The following DUSP10 variants were observed in gnomAD, a reference collection of about 807,000 sequenced individuals.
The protein encoded by DUSP10 is dual specificity protein phosphatase 10.
DUSP10 carries 14 observed loss-of-function variants against 30.8 expected under a neutral mutation model. That is an observed-to-expected ratio of 0.46 (90% CI 0.30 to 0.71). The LOEUF is 0.71. Among genes scored for constraint, DUSP10 ranks in the 30% least tolerant of loss-of-function variants. DUSP10 has a pLI of 0.08. For missense variants in DUSP10, 550 were observed against 619.4 expected, an observed-to-expected ratio of 0.89 and a Z score of 1.19; for synonymous variants, 254 against 250.4, an observed-to-expected ratio of 1.01 and a Z score of -0.14.
At chr1:221,709,027 A>G (rs1024042120) in intron 2 of DUSP10, among the ~76,000 whole-genome samples, 3 of 150,700 alleles carry the variant, frequency 2.0e-5, no homozygotes, top group Non-Finnish European at 3.0e-5. Context: ...AAACCAACAC[A>G]TGCTAGAAAA....
chr1:221,735,253 A>G (rs572084347), intron 2 of DUSP10, among the ~76,000 whole-genome samples: 43 of 152,330 alleles, frequency 2.8e-4, no homozygotes, highest in African/African-American at 9.9e-4. Context: ...ACAACAGCAT[A>G]GAGCAAGTAG....
At chr1:221,735,248 A>G (rs1661730875) in intron 2 of DUSP10, among the ~76,000 whole-genome samples, 1 of 152,194 alleles carries the variant, frequency 6.6e-6, no homozygotes, top group Non-Finnish European at 1.5e-5. Flanking sequence ...GTTTTACAAC[A>G]GCATAGAGCA....
At chr1:221,738,235 T>C (rs1429911749) in intron 2 of DUSP10, among the ~76,000 whole-genome samples, 2 of 152,204 alleles carry the variant, frequency 1.3e-5, no homozygotes, top group Non-Finnish European at 2.9e-5. Flanking sequence ...TTACTCCATC[T>C]TGGGAGGAGC....
intron 2 of DUSP10, among the ~76,000 whole-genome samples, chr1:221,725,644 T>G (rs1366370568): frequency 1.3e-5 from 2 of 152,226 alleles, no homozygotes; most frequent in Non-Finnish European, 2.9e-5. Flanking sequence ...AAAGGGCACT[T>G]TACCTCAATT....
At chr1:221,709,430 T>C (rs1040915753) in intron 2 of DUSP10, among the ~76,000 whole-genome samples, 11 of 144,632 alleles carry the variant, frequency 7.6e-5, no homozygotes, top group Admixed American at 7.2e-4. Context: ...GTTTAAGCCA[T>C]GTAGGAACTC....
chr1:221,710,632 C>G (rs887275855), intron 2 of DUSP10, among the ~76,000 whole-genome samples: 1 of 151,946 alleles, frequency 6.6e-6, no homozygotes. Flanking sequence ...GAATTAGGAA[C>G]CAAGGTATCC....
chr1:221,720,818 C>A (rs1030335168), intron 2 of DUSP10, among the ~76,000 whole-genome samples: 4 of 152,196 alleles, frequency 2.6e-5, no homozygotes, highest in Admixed American at 2.0e-4. Flanking sequence ...TACAGCTACC[C>A]TTCCAAATCT....
intron 2 of DUSP10, among the ~76,000 whole-genome samples, chr1:221,715,436 T>C (rs922361227): frequency 2.6e-5 from 4 of 152,148 alleles, no homozygotes; most frequent in Non-Finnish European, 5.9e-5. Flanking sequence ...AGTAGCTCAG[T>C]CCACACAGAA....
chr1:221,733,062 C>T (rs1158259806), intron 2 of DUSP10, among the ~76,000 whole-genome samples: 1 of 152,234 alleles, frequency 6.6e-6, no homozygotes, highest in African/African-American at 2.4e-5. Flanking sequence ...CGATATATCA[C>T]ACATTCATGC....
At chr1:221,736,037 A>G (rs1161233825) in intron 2 of DUSP10, among the ~76,000 whole-genome samples, 1 of 152,232 alleles carries the variant, frequency 6.6e-6, no homozygotes, top group Non-Finnish European at 1.5e-5. Flanking sequence ...AGACTAAAAC[A>G]TAGATTCTAG....
At chr1:221,738,463 A>G (rs1486193280) in intron 2 of DUSP10, among the ~76,000 whole-genome samples, 2 of 152,214 alleles carry the variant, frequency 1.3e-5, no homozygotes, top group Non-Finnish European at 2.9e-5. Context: ...TGAGAAAGAG[A>G]AAGAATTTCC....
chr1:221,733,885 A>G (rs774070274), intron 2 of DUSP10, among the ~76,000 whole-genome samples: 2 of 152,194 alleles, frequency 1.3e-5, no homozygotes, highest in African/African-American at 2.4e-5. Flanking sequence ...GAGAGAGTTC[A>G]TTTCTATTAT....
intron 2 of DUSP10, chr1:221,736,798 C>T: frequency 3.0e-6 from 3 of 984,802 alleles, no homozygotes; most frequent in Non-Finnish European, 3.6e-6. Context: ...AATGAAATTC[C>T]CAGATATTTG....
At chr1:221,713,297 C>A (rs545363987) in intron 2 of DUSP10, among the ~76,000 whole-genome samples, 1 of 152,076 alleles carries the variant, frequency 6.6e-6, no homozygotes, top group South Asian at 2.1e-4. Context: ...CCATCACTGC[C>A]GGAGGAAGTG....
In DUSP10 at chr1:221,702,429, C is replaced by T. The variant is rs546305993; in HGVS notation, c.1432G>A (p.Val478Met). The T allele has an allele frequency of 1.9e-5, 31 of 1,614,026 alleles. No homozygotes were observed. The East Asian group carries it at 3.6e-4, about 19-fold the overall frequency. The change falls in exon 4 of 4, where the codon GTG (valine) becomes ATG (methionine). Residue 478 changes from valine to methionine, a missense_variant. Physicochemically the swap from Val to Met is conservative, Grantham distance 21. Coordinates refer to ENST00000366899, the MANE Select transcript of DUSP10 (RefSeq NM_007207.6). The surrounding 1 kb of genome is among the most constrained non-coding windows in gnomAD (Gnocchi z 4.5). ...GACCATTGTCACACAACCGTCTCCACGCCCATCAGCTTTGGTGTAAGGATT... is the reference window on the plus strand; with the variant it reads ...GACCATTGTCACACAACCGTCTCCATGCCCATCAGCTTTGGTGTAAGGATT... The part of the protein sequence containing the change: ...PRILTPKLMG[V>M]ETVV
At chr1:221,730,766 A>G (rs1661566811) in intron 2 of DUSP10, among the ~76,000 whole-genome samples, 1 of 152,136 alleles carries the variant, frequency 6.6e-6, no homozygotes, top group African/African-American at 2.4e-5. Context: ...AGTTACATAA[A>G]ATATGGGTCT....
At chr1:221,731,024 A>G (rs1571828415) in intron 2 of DUSP10, among the ~76,000 whole-genome samples, 1 of 152,186 alleles carries the variant, frequency 6.6e-6, no homozygotes, top group Non-Finnish European at 1.5e-5. Flanking sequence ...TTTATAATGA[A>G]ATTCAGGCTA....
At chr1:221,712,995 G>A (rs1660986100) in intron 2 of DUSP10, among the ~76,000 whole-genome samples, 2 of 152,176 alleles carry the variant, frequency 1.3e-5, no homozygotes, top group Admixed American at 6.5e-5. Flanking sequence ...TTCAAACCCT[G>A]CAGCTATTTG....
Position 221,726,702 on chromosome 1 carries a change from GAA to G in DUSP10, c.811+12230_811+12231del, listed in dbSNP as rs11284226. 5.0e-3 allele frequency among the ~76,000 whole-genome samples: 587 copies of G among 116,818 alleles called. 6 individuals carry two copies. The highest frequency in any genetic ancestry group is 5.7e-3 in the Non-Finnish European group (298 of 52,536). 76.6% of individuals were successfully genotyped at this position (116,818 alleles called of 152,430 possible). A position where few individuals can be genotyped will look rare whatever the true frequency, so the allele number is the denominator to read the frequency against. On this transcript the variant is annotated intron_variant, in intron 2 of 3. Coordinates refer to ENST00000366899, the MANE Select transcript of DUSP10 (RefSeq NM_007207.6). ...ATTTTTCAGCACAGCACTATTTCAG[GAA>G]AAAAAAAAAAAAAAACCCTATGTAG...
Sources: allele counts gnomAD v4.1 joint callset (sites outside exome capture counted in the v4.1 genomes callset), GRCh38; gene constraint gnomAD v4.1.1; non-coding constraint Gnocchi (gnomAD v3.1); transcripts MANE v1.5; gene names NCBI Gene and HGNC (gene_info 2026-07-23, HGNC 2026-07-21).